EML6: variants seen among roughly 807,000 people sequenced by gnomAD.
EML6 encodes the protein EMAP like 6, also known as echinoderm microtubule-associated protein-like 6.
Under a neutral mutation model 240.1 loss-of-function variants are expected in EML6, and 154 were observed. That is an observed-to-expected ratio of 0.64 (90% CI 0.56 to 0.73). The LOEUF is 0.73. Ranked by LOEUF, EML6 falls within the 30% of genes least tolerant of loss-of-function variation. The probability of loss-of-function intolerance (pLI) is 0.00; values close to 1 mark genes in which losing one functional copy is unlikely to be tolerated. For missense variants in EML6, 2,964 were observed against 2,474.6 expected (o/e 1.20, Z -4.20); for synonymous variants, 1,148 against 899.0 (o/e 1.28, Z -4.95).
intron 28 of EML6, among the ~76,000 whole-genome samples, chr2:54,936,434 G>A (rs1460337939): frequency 6.6e-6 from 1 of 152,130 alleles, no homozygotes; most frequent in African/African-American, 2.4e-5. Flanking sequence ...GGCCACATAG[G>A]GGTTGGTCAT....
chr2:54,954,908 C>T (rs537597079), intron 32 of EML6, among the ~76,000 whole-genome samples: 4 of 152,212 alleles, frequency 2.6e-5, no homozygotes, highest in African/African-American at 7.2e-5. Flanking sequence ...ACCAGGCAAG[C>T]GCAGAGGTGT....
intron 7 of EML6, among the ~76,000 whole-genome samples, chr2:54,841,345 A>C (rs964153205): frequency 3.3e-5 from 5 of 152,308 alleles, no homozygotes; most frequent in Non-Finnish European, 7.4e-5. Flanking sequence ...GCTTTTTCCC[A>C]CCATTTCAAG....
chr2:54,938,217 G>A (rs1675250819), intron 28 of EML6, among the ~76,000 whole-genome samples: 2 of 152,098 alleles, frequency 1.3e-5, no homozygotes, highest in Admixed American at 1.3e-4. Context: ...ATGGTGGCGG[G>A]CACCTGTAAT....
chr2:54,923,489 G>A (rs915446796), intron 26 of EML6, among the ~76,000 whole-genome samples: 2 of 151,266 alleles, frequency 1.3e-5, no homozygotes, highest in African/African-American at 4.9e-5. Context: ...AGATTCTGTT[G>A]TACACCTTGA....
At chr2:54,932,582 C>T (rs906697947) in intron 28 of EML6, among the ~76,000 whole-genome samples, 2 of 152,044 alleles carry the variant, frequency 1.3e-5, no homozygotes, top group Non-Finnish European at 2.9e-5. Flanking sequence ...CTCTTTTGTC[C>T]ATCTACAAAC....
At chr2:54,811,437 A>T (rs1002657263) in intron 2 of EML6, among the ~76,000 whole-genome samples, 2 of 152,092 alleles carry the variant, frequency 1.3e-5, no homozygotes, top group Non-Finnish European at 2.9e-5. Context: ...GTCTTCCCTA[A>T]TGTCCTGGGC....
chr2:54,754,895 A>C (rs1251621393), intron 2 of EML6, among the ~76,000 whole-genome samples: 1 of 152,226 alleles, frequency 6.6e-6, no homozygotes, highest in African/African-American at 2.4e-5. Context: ...TGGCCACTTA[A>C]AATGTGGTTA....
intron 7 of EML6, among the ~76,000 whole-genome samples, chr2:54,833,343 A>G (rs1254092682): frequency 6.6e-6 from 1 of 152,246 alleles, no homozygotes; most frequent in Non-Finnish European, 1.5e-5. Context: ...ATACATTTGC[A>G]TCTTCTAATA....
intron 2 of EML6, among the ~76,000 whole-genome samples, chr2:54,779,153 A>C (rs1391137499): frequency 6.6e-6 from 1 of 152,202 alleles, no homozygotes; most frequent in East Asian, 1.9e-4. Context: ...TGAACTTGTC[A>C]GTGGTAGAAC....
intron 17 of EML6, 112 bp downstream of exon 17, chr2:54,879,752 T>G (rs1050143591): frequency 3.0e-5 from 21 of 707,148 alleles, no homozygotes; most frequent in Middle Eastern, 2.4e-4. Flanking sequence ...GAAATTGACG[T>G]AGAAGGCTTA....
chr2:54,933,000 G>C (rs535942704), intron 28 of EML6, among the ~76,000 whole-genome samples: 5 of 152,298 alleles, frequency 3.3e-5, no homozygotes, highest in Non-Finnish European at 1.5e-5. Flanking sequence ...ACTTCAGGTG[G>C]CACTTGTTAA....
At chr2:54,837,413 C>T (rs770144267) in intron 7 of EML6, among the ~76,000 whole-genome samples, 4 of 152,162 alleles carry the variant, frequency 2.6e-5, no homozygotes, top group African/African-American at 4.8e-5. Context: ...GAGGGCCTGG[C>T]GCTGTCCATG....
rs957380975 is a variant in EML6 at position 54,723,676 on chromosome 2, T to C, written c.-615T>C. On this transcript the variant is annotated 5_prime_UTR_variant, in exon 1 of 42. Coordinates refer to ENST00000356458, the MANE Select transcript of EML6 (RefSeq NM_001039753.4). ...CGCGGCGCCCCAGTGACGAAGTCCATCCCCGGGTGCGGGAGGCGGGGAGGG... is the reference window on the plus strand; with the variant it reads ...CGCGGCGCCCCAGTGACGAAGTCCACCCCCGGGTGCGGGAGGCGGGGAGGG... 5.3e-5 allele frequency: 8 copies of C among 152,114 alleles called. No homozygotes were observed. Among genetic ancestry groups the C allele is most frequent in the Admixed American group, 3.3e-4 (5 of 15,286 alleles). The allele number at this position is 152,114 out of a possible 1,614,324, so 9.4% of individuals were successfully genotyped here.
At chr2:54,885,925 CAA>C (rs1030588572) in intron 17 of EML6, among the ~76,000 whole-genome samples, 3 of 152,044 alleles carry the variant, frequency 2.0e-5, no homozygotes, top group South Asian at 4.1e-4. Context: ...TTTTGATTTT[CAA>C]AGAGTCAGAG....
intron 2 of EML6, among the ~76,000 whole-genome samples, chr2:54,795,238 A>T (rs1669696195): frequency 1.3e-5 from 2 of 152,142 alleles, no homozygotes; most frequent in Non-Finnish European, 2.9e-5. Context: ...GGCCTCAGAA[A>T]ACTTAGAATC....
intron 35 of EML6, among the ~76,000 whole-genome samples, chr2:54,961,184 G>GTTGGTTTTTTTT: frequency 1.8e-5 from 1 of 55,422 alleles, no homozygotes; most frequent in Non-Finnish European, 3.2e-5. Context: ...TCAGGAAGTA[G>GTTGGTTTTTTTT]TTTTTTTTTT....
At chr2:54,801,373 G>T (rs1670135970) in intron 2 of EML6, among the ~76,000 whole-genome samples, 1 of 151,998 alleles carries the variant, frequency 6.6e-6, no homozygotes, top group African/African-American at 2.4e-5. Flanking sequence ...CCTATGACGT[G>T]TCTGAGAATA....
chr2:54,756,862 C>T (rs1194576165), intron 2 of EML6, among the ~76,000 whole-genome samples: 1 of 151,838 alleles, frequency 6.6e-6, no homozygotes, highest in Non-Finnish European at 1.5e-5. Flanking sequence ...GGAATGTTTT[C>T]TTGCCTTCCT....
rs115700965 is a variant in EML6 at position 54,893,510 on chromosome 2, T to G, written c.2742+854T>G. ...TCATGGTCTAGTCAACTCTGAAAGT[T>G]CCCACATCTTAGTACTGTTACAGAG... On this transcript the variant is annotated intron_variant, in intron 19 of 41. Coordinates refer to ENST00000356458, the MANE Select transcript of EML6 (RefSeq NM_001039753.4). Among the ~76,000 whole-genome samples, 703 of 152,304 alleles carry G rather than the reference T, an allele frequency of 4.6e-3. 5 individuals are homozygous for G. The highest frequency in any genetic ancestry group is 0.014 in the Middle Eastern group (4 of 294).
Sources: gnomAD v4.1 joint callset for allele counts (sites outside exome capture counted in the v4.1 genomes callset) on GRCh38, gnomAD v4.1.1 for gene constraint, MANE v1.5 for transcripts, NCBI Gene and HGNC (gene_info 2026-07-23, HGNC 2026-07-21) for gene names.